Variants in KIAA1210 observed in about 807,000 individuals in gnomAD.
KIAA1210 encodes the protein acrosomal protein KIAA1210.
A neutral mutation model predicts 78.9 loss-of-function variants in KIAA1210; 48 were observed. The observed-to-expected ratio is 0.61, with a 90% confidence interval of 0.48 to 0.77. KIAA1210 has a LOEUF of 0.77. KIAA1210 is among the 30% of genes least tolerant of loss of function. The probability of loss-of-function intolerance (pLI) is 0.00; values close to 1 mark genes in which losing one functional copy is unlikely to be tolerated. For synonymous variants in KIAA1210, 406 were observed against 404.5 expected (o/e 1.00, Z -0.04); for missense variants, 1,108 against 1,100.0 (o/e 1.01, Z -0.10).
chrX:119,092,543 C>A (rs751536148), intron 8 of KIAA1210, among the ~76,000 whole-genome samples: 97 of 111,406 alleles, frequency 8.7e-4, no homozygotes, highest in African/African-American at 2.9e-3. Flanking sequence ...GGGCAGATCA[C>A]AAGGTCAGGA....
intron 2 of KIAA1210, among the ~76,000 whole-genome samples, chrX:119,122,945 A>G (rs1928513370): frequency 8.9e-6 from 1 of 112,547 alleles, no homozygotes; most frequent in Admixed American, 9.4e-5. Flanking sequence ...AGAATGGAAG[A>G]ACAACCCAAA....
At chrX:119,150,538 G>T in exon 1 of KIAA1210, 1 of 1,210,099 alleles carries the variant, frequency 8.3e-7, no homozygotes, top group Non-Finnish European at 1.1e-6. Flanking sequence ...GGAGAGAAGC[G>T]TGAAAGGCAG....
chrX:119,109,633 T>C (rs1296497568), intron 3 of KIAA1210, among the ~76,000 whole-genome samples: 1 of 112,189 alleles, frequency 8.9e-6, no homozygotes, highest in Non-Finnish European at 1.9e-5. Flanking sequence ...TATAATTCAA[T>C]AGTGGCAATT....
chrX:119,095,481 C>G (rs983314869), intron 7 of KIAA1210, among the ~76,000 whole-genome samples: 2 of 111,426 alleles, frequency 1.8e-5, no homozygotes, highest in East Asian at 5.6e-4. Context: ...CTCCACCTCC[C>G]GGGTTCAAGC....
intron 6 of KIAA1210, among the ~76,000 whole-genome samples, chrX:119,098,741 C>A (rs748845099): frequency 1.8e-5 from 2 of 110,828 alleles, no homozygotes; most frequent in Admixed American, 1.9e-4. Flanking sequence ...GTCTGACATA[C>A]AATATGTTTT....
In KIAA1210 at chrX:119,085,370, C is replaced by T. The variant is rs200178559; in HGVS notation, c.4320+13G>A. ...CCTTTTTGGAGTGTTTTATTGGCTA[C>T]CCCAGGTCCTACCTCATATTTAGGC... On this transcript the variant is annotated intron_variant, in intron 10 of 11. Coordinates refer to ENST00000691062, the MANE Select transcript of KIAA1210 (RefSeq NM_001394962.1). 1 of 1,202,475 alleles carries T rather than the reference C, an allele frequency of 8.3e-7. No individual in the cohort carries two copies. Among genetic ancestry groups the T allele is most frequent in the South Asian group, 1.8e-5 (1 of 55,127 alleles).
chrX:119,106,873 C>T (rs1927909775), intron 5 of KIAA1210, among the ~76,000 whole-genome samples: 1 of 112,111 alleles, frequency 8.9e-6, no homozygotes, highest in Non-Finnish European at 1.9e-5. Context: ...CTTTAACAAT[C>T]TCCTCGTTGT....
upstream of KIAA1210, among the ~76,000 whole-genome samples, chrX:119,128,256 A>T (rs1928698998): frequency 8.9e-6 from 1 of 112,003 alleles, no homozygotes; most frequent in African/African-American, 3.2e-5. Flanking sequence ...TATTAATAGT[A>T]TATTTTACAT....
chrX:119,105,944 C>T (rs1927881565), intron 5 of KIAA1210, among the ~76,000 whole-genome samples: 1 of 111,704 alleles, frequency 9.0e-6, no homozygotes, highest in African/African-American at 3.3e-5. Flanking sequence ...CACCCCATTC[C>T]AGGAAATGGG....
intron 5 of KIAA1210, among the ~76,000 whole-genome samples, chrX:119,106,508 T>C (rs1369126231): frequency 8.9e-5 from 10 of 111,876 alleles, no homozygotes; most frequent in Non-Finnish European, 1.7e-4. Context: ...GAGCCCATAC[T>C]GAAGCCCAAG....
Position 119,125,714 on chromosome X carries a change from CATAT to C in KIAA1210, c.-11+2009_-11+2012del, listed in dbSNP as rs1193124266. Among the ~76,000 whole-genome samples, 3 of 4,438 alleles carry C rather than the reference CATAT, an allele frequency of 6.8e-4. 1 individual carries two copies. The highest frequency in any genetic ancestry group is 0.25 in the Middle Eastern group (1 of 4). The allele number at this position is 4,438 out of a possible 115,157, so 3.9% of individuals were successfully genotyped here. A position where few individuals can be genotyped will look rare whatever the true frequency, so the allele number is the denominator to read the frequency against. Reference sequence around the variant, plus strand: ...CGTGCTCCACCATGCCCAGCTAATACATATATATATATATATATATATTTTTTTT... The same window carrying C: ...CGTGCTCCACCATGCCCAGCTAATACATATATATATATATATATTTTTTTT... On this transcript the variant is annotated intron_variant, in intron 1 of 11. Coordinates refer to ENST00000691062, the MANE Select transcript of KIAA1210 (RefSeq NM_001394962.1).
At chrX:119,103,907 A>G (rs776574620) in intron 6 of KIAA1210, among the ~76,000 whole-genome samples, 1 of 111,970 alleles carries the variant, frequency 8.9e-6, no homozygotes, top group Non-Finnish European at 1.9e-5. Context: ...AAGTACAGAG[A>G]TAGAAAGCAG....
chrX:119,099,173 T>C (rs970040962), intron 6 of KIAA1210, among the ~76,000 whole-genome samples: 3 of 112,860 alleles, frequency 2.7e-5, no homozygotes, highest in African/African-American at 9.6e-5. Flanking sequence ...TTAATAAATA[T>C]AAAGAACTTT....
chrX:119,108,986 G>A lies in KIAA1210; in HGVS notation c.357+90C>T, dbSNP rs887597795. 4.9e-6 allele frequency: 5 copies of A among 1,011,275 alleles called. No homozygotes were observed. In the African/African-American group the frequency reaches 9.4e-5, roughly 19 times the overall value. 83.3% of individuals were successfully genotyped at this position (1,011,275 alleles called of 1,213,427 possible). A position where few individuals can be genotyped will look rare whatever the true frequency, so the allele number is the denominator to read the frequency against. ...AGGATCAGCTGAGAAGCAGAACCAAGTTCCCACTCCTTTTAATTTTGGCAG... is the reference window on the plus strand; with the variant it reads ...AGGATCAGCTGAGAAGCAGAACCAAATTCCCACTCCTTTTAATTTTGGCAG... On this transcript the variant is annotated intron_variant, in intron 4 of 11. Coordinates refer to ENST00000691062, the MANE Select transcript of KIAA1210 (RefSeq NM_001394962.1).
intron 5 of KIAA1210, among the ~76,000 whole-genome samples, chrX:119,107,532 T>A (rs1017653681): frequency 1.8e-5 from 2 of 111,903 alleles, no homozygotes; most frequent in Non-Finnish European, 3.8e-5. Flanking sequence ...CCTGCTGTAG[T>A]ACAAGAGGGA....
chrX:119,096,701 G>A lies in KIAA1210; in HGVS notation c.649-10C>T. 1 of 1,178,050 alleles carries A rather than the reference G, an allele frequency of 8.5e-7. No homozygotes were observed. The highest frequency in any genetic ancestry group is 1.1e-6 in the Non-Finnish European group (1 of 873,258). On this transcript the variant is annotated splice_polypyrimidine_tract_variant and intron_variant, in intron 6 of 11. Coordinates refer to ENST00000691062, the MANE Select transcript of KIAA1210 (RefSeq NM_001394962.1). ...ATAACTCAGAGAAGCTCTGGGGAAG[G>A]TGGGAGAAAATAGACGAGTCAACCC... is the stretch of plus-strand genomic sequence containing the variant.
chrX:119,088,174 G>A lies in KIAA1210; in HGVS notation c.2528C>T (p.Pro843Leu). Residue 843 changes from proline (P) to leucine (L), a missense_variant, in exon 9 of 12, where the codon CCC becomes CTC. Coordinates refer to ENST00000691062, the MANE Select transcript of KIAA1210 (RefSeq NM_001394962.1). ...ERVISVEPLL[P>L]RYSPQSLTDP... ...TGTCAAGGACTGAGGAGAATATCTG[G>A]GGAGTAGTGGCTCCACAGAAATGAC... 8.3e-7 allele frequency: 1 copy of A among 1,210,569 alleles called. No homozygotes were observed. Among genetic ancestry groups the A allele is most frequent in the Admixed American group, 2.2e-5 (1 of 46,069 alleles).
chrX:119,122,210 C>T (rs775588739), intron 2 of KIAA1210, among the ~76,000 whole-genome samples: 10 of 108,306 alleles, frequency 9.2e-5, no homozygotes, highest in Non-Finnish European at 1.5e-4. Context: ...GAACTACAGA[C>T]GCCTGCAACC....
intron 7 of KIAA1210, among the ~76,000 whole-genome samples, chrX:119,095,313 C>A (rs1927515558): frequency 8.9e-6 from 1 of 112,747 alleles, no homozygotes; most frequent in Admixed American, 9.4e-5. Flanking sequence ...AGCCCAGAAT[C>A]ACTGGCGAAT....
Sources: gnomAD v4.1 joint callset for allele counts (sites outside exome capture counted in the v4.1 genomes callset) on GRCh38, gnomAD v4.1.1 for gene constraint, MANE v1.5 for transcripts, NCBI Gene and HGNC (gene_info 2026-07-23, HGNC 2026-07-21) for gene names.